The following CACNA1I variants were observed in gnomAD, a reference collection of about 807,000 sequenced individuals.
CACNA1I encodes the protein calcium voltage-gated channel subunit alpha1 I, also known as voltage-dependent T-type calcium channel subunit alpha-1I.
Under a neutral mutation model 201.6 loss-of-function variants are expected in CACNA1I, and 74 were observed. That is an observed-to-expected ratio of 0.37 (90% CI 0.30 to 0.45). The LOEUF is 0.45. Among genes scored for constraint, CACNA1I ranks in the 20% least tolerant of loss-of-function variants. The probability of loss-of-function intolerance (pLI) is 1.00; values close to 1 mark genes in which losing one functional copy is unlikely to be tolerated. For missense variants in CACNA1I, 2,346 were observed against 3,138.1 expected, an observed-to-expected ratio of 0.75 and a Z score of 6.03; for synonymous variants, 1,431 against 1,345.2, an observed-to-expected ratio of 1.06 and a Z score of -1.40.
chr22:39,678,214 G>A, intron 31 of CACNA1I, 106 bp downstream of exon 31: 1 of 1,324,470 alleles, frequency 7.6e-7, no homozygotes, highest in South Asian at 1.4e-5. Flanking sequence ...CACCACACAT[G>A]GGAGGGGCAT....
intron 1 of CACNA1I, among the ~76,000 whole-genome samples, chr22:39,577,696 G>A (rs1185483447): frequency 6.6e-6 from 1 of 152,268 alleles, no homozygotes; most frequent in Non-Finnish European, 1.5e-5. Context: ...GTGGGACGAT[G>A]GCGAGAAACG....
At chr22:39,683,867 A>G (rs1209325432) in intron 35 of CACNA1I, among the ~76,000 whole-genome samples, 1 of 152,140 alleles carries the variant, frequency 6.6e-6, no homozygotes, top group Admixed American at 6.5e-5. Context: ...AGTAGCCCCC[A>G]GGCCTGGCCA....
At chr22:39,587,373 G>T (rs932399305) in intron 1 of CACNA1I, among the ~76,000 whole-genome samples, 1 of 152,278 alleles carries the variant, frequency 6.6e-6, no homozygotes, top group Admixed American at 6.5e-5. Flanking sequence ...TGTCGCTGGA[G>T]GCATGTAAGC....
intron 4 of CACNA1I, among the ~76,000 whole-genome samples, chr22:39,624,456 C>A (rs757776060): frequency 1.8e-4 from 27 of 152,222 alleles, no homozygotes; most frequent in Non-Finnish European, 2.4e-4. Flanking sequence ...TAGTGGCCAC[C>A]GCTGGGCAGT....
intron 1 of CACNA1I, among the ~76,000 whole-genome samples, chr22:39,579,708 G>A (rs138483265): frequency 0.02 from 3,095 of 151,466 alleles, 82 homozygotes; most frequent in African/African-American, 0.069. Flanking sequence ...GTGCCATGGC[G>A]CGATCTCTGC....
At chr22:39,620,064 CATCCACCCACCCACCT>C (rs1933688818) in intron 4 of CACNA1I, among the ~76,000 whole-genome samples, 1 of 142,518 alleles carries the variant, frequency 7.0e-6, no homozygotes, top group Admixed American at 7.0e-5. Flanking sequence ...CCCACCCACC[CATCCACCCACCCACCT>C]GTCCACCCAC....
At chr22:39,601,453 G>A (rs1030865107) in intron 3 of CACNA1I, among the ~76,000 whole-genome samples, 1 of 152,190 alleles carries the variant, frequency 6.6e-6, no homozygotes, top group Non-Finnish European at 1.5e-5. Context: ...GGGGCTTGAG[G>A]GCTTCCTGAG....
chr22:39,624,315 C>T (rs569697316), intron 4 of CACNA1I, among the ~76,000 whole-genome samples: 6 of 152,260 alleles, frequency 3.9e-5, no homozygotes, highest in Non-Finnish European at 7.4e-5. Flanking sequence ...AGGACACTCC[C>T]GGTCCCCAGC....
At chr22:39,625,848 C>T (rs1933885875) in intron 4 of CACNA1I, among the ~76,000 whole-genome samples, 1 of 152,132 alleles carries the variant, frequency 6.6e-6, no homozygotes, top group Non-Finnish European at 1.5e-5. Context: ...CCACCCCACC[C>T]CCAGCCTGTA....
At position 39,570,853 on chromosome 22, in the gene CACNA1I, C is replaced by T. The variant is rs1932157980; in HGVS notation, c.101C>T (p.Ser34Phe). The change falls in exon 1 of 37, where the codon TCC becomes TTC. Residue 34 changes from serine (S) to phenylalanine (F), a missense_variant. Coordinates refer to ENST00000402142, the MANE Select transcript of CACNA1I (RefSeq NM_021096.4). Reference protein sequence around the residue: ...EQPGPRSPPSSPPGLEEPLDG... With the variant: ...EQPGPRSPPSFPPGLEEPLDG... ...CCCGGACCCCGGAGCCCCCCATCCTCCCCGCCAGGCCTGGAGGAGCCTCTG... is the reference window on the plus strand; with the variant it reads ...CCCGGACCCCGGAGCCCCCCATCCTTCCCGCCAGGCCTGGAGGAGCCTCTG... 1 of 1,613,606 alleles carries T rather than the reference C, an allele frequency of 6.2e-7. No individual in the cohort carries two copies. The highest frequency in any genetic ancestry group is 8.5e-7 in the Non-Finnish European group (1 of 1,179,768).
At chr22:39,667,444 C>T (rs1190932375) in intron 23 of CACNA1I, among the ~76,000 whole-genome samples, 1 of 152,146 alleles carries the variant, frequency 6.6e-6, no homozygotes, top group Non-Finnish European at 1.5e-5. Flanking sequence ...GAGAGGGCTT[C>T]CTGAGTAGGA....
In CACNA1I at chr22:39,677,697, CG is replaced by C. The variant is rs2146474736; in HGVS notation, c.4933+281del. On this transcript the variant is annotated intron_variant, in intron 30 of 36. Transcript: ENST00000402142. The surrounding 1 kb of genome is among the most constrained non-coding windows in gnomAD (Gnocchi z 4.8). ...GCGCTCGCTGAGCTCCGCCCTGCAC[CG>C]GGATGGCTCCAGAAAGCAGGGTTCC... Among the ~76,000 whole-genome samples, 1 of 152,350 alleles carries C rather than the reference CG, an allele frequency of 6.6e-6. No homozygotes were observed. The highest frequency in any genetic ancestry group is 2.4e-5 in the African/African-American group (1 of 41,586).
rs1367086475 is a variant in CACNA1I at position 39,686,476 on chromosome 22, G to C, written c.*71G>C. ...TTCTTTACCTCAGGAGCCAGGAGCA[G>C]ACAGCAATACTTCGTCCACACCTGG... On this transcript the variant is annotated 3_prime_UTR_variant, in exon 37 of 37. Coordinates refer to ENST00000402142, the MANE Select transcript of CACNA1I (RefSeq NM_021096.4). 9.1e-7 allele frequency: 1 copy of C among 1,095,344 alleles called. No homozygotes were observed. The allele number at this position is 1,095,344 out of a possible 1,614,324, so 67.9% of individuals were successfully genotyped here. A position where few individuals can be genotyped will look rare whatever the true frequency, so the allele number is the denominator to read the frequency against.
In CACNA1I at chr22:39,600,638, T is replaced by C. The variant is rs1456098790; in HGVS notation, c.467T>C (p.Phe156Ser). Residue 156 changes from phenylalanine to serine, a missense_variant, in exon 3 of 37, where the codon TTC becomes TCC. Physicochemically the swap from Phe to Ser is radical, Grantham distance 155 (BLOSUM62 -2). This residue lies in a region of CACNA1I where 227 missense variants were observed against 412.5 expected (regional missense o/e 0.55). Transcript: ENST00000402142. ...GACACATGGAACCGCCTGGATTTCT[T>C]CATCGTCATGGCAGGGTAGGTAGCG... is the stretch of plus-strand genomic sequence containing the variant. ...LGDTWNRLDFFIVMAGMVEYS... is the reference protein window; with the variant it reads ...LGDTWNRLDFSIVMAGMVEYS... 1.2e-6 allele frequency: 2 copies of C among 1,606,002 alleles called. No individual in the cohort carries two copies. Among genetic ancestry groups the C allele is most frequent in the East Asian group, 4.5e-5 (2 of 44,230 alleles).
Position 39,674,048 on chromosome 22 carries a change from T to G in CACNA1I, c.4854+15T>G. ...CTTTGCCCCAGGTAAGAGCCACTCT[T>G]TCTGGCAGCCCTCCTAGGGGTCATT... On this transcript the variant is annotated intron_variant, in intron 29 of 36. Coordinates refer to ENST00000402142, the MANE Select transcript of CACNA1I (RefSeq NM_021096.4). 6 of 1,612,236 alleles carry G rather than the reference T, an allele frequency of 3.7e-6. No homozygotes were observed. In the South Asian group the frequency reaches 6.6e-5, roughly 18 times the overall value.
Position 39,686,150 on chromosome 22 carries a change from G to GC in CACNA1I, c.6422dup (p.Pro2142AlafsTer136). 8.5e-7 allele frequency: 1 copy of GC among 1,172,458 alleles called. No individual in the cohort carries two copies. The allele number at this position is 1,172,458 out of a possible 1,614,324, so 72.6% of individuals were successfully genotyped here. On this transcript the variant is annotated frameshift_variant, in exon 37 of 37. Transcript: ENST00000402142. LOFTEE classifies it low-confidence loss of function (END_TRUNC). ...CGCTCACCTCCCTCTTCTGCCCGCC[G>GC]CCCCCGCCGCCAGCCCCCGGCCTCA... is the stretch of plus-strand genomic sequence containing the variant.
Position 39,646,703 on chromosome 22 carries a change from C to A in CACNA1I, c.1284C>A (p.Tyr428Ter). Reference sequence around the variant, plus strand: ...TGTCCTCCAGCACGGTGGCCAGCTACGCCGAGCCTGGCGACTGCTACGAGG... The same window carrying A: ...TGTCCTCCAGCACGGTGGCCAGCTAAGCCGAGCCTGGCGACTGCTACGAGG... ...RYLSSSTVAS[Y>*]AEPGDCYEEI... The change falls in exon 8 of 37, where the codon TAC (tyrosine) becomes TAA (stop). Residue 428 changes from tyrosine to a stop codon, truncating the protein, a stop_gained. Coordinates refer to ENST00000402142, the MANE Select transcript of CACNA1I (RefSeq NM_021096.4). LOFTEE classifies it high-confidence loss of function. The A allele has an allele frequency of 6.3e-7, 1 of 1,594,576 alleles. No homozygotes were observed.
chr22:39,600,662 C>T lies in CACNA1I; in HGVS notation c.482+9C>T, dbSNP rs780864915. 37 of 1,593,114 alleles carry T rather than the reference C, an allele frequency of 2.3e-5. No homozygotes were observed. The highest frequency in any genetic ancestry group is 2.3e-5 in the East Asian group (1 of 43,660). On this transcript the variant is annotated intron_variant, in intron 3 of 36. Transcript: ENST00000402142. ...TTCATCGTCATGGCAGGGTAGGTAG[C>T]GCCCGCCAGGCAGGTCCTAGCCTCT...
chr22:39,592,383 G>C (rs1019589142), intron 1 of CACNA1I, among the ~76,000 whole-genome samples: 3 of 152,238 alleles, frequency 2.0e-5, no homozygotes, highest in African/African-American at 7.2e-5. Flanking sequence ...TGGGTGGTGA[G>C]TCTGTTGTCT....
Sources: gnomAD v4.1 joint callset for allele counts (sites outside exome capture counted in the v4.1 genomes callset) on GRCh38, gnomAD v4.1.1 for gene constraint, gnomAD v4.1.1 regional missense constraint, Gnocchi (gnomAD v3.1) non-coding constraint, MANE v1.5 for transcripts, NCBI Gene and HGNC (gene_info 2026-07-23, HGNC 2026-07-21) for gene names.